The following LVRN variants were observed in gnomAD, a reference collection of about 807,000 sequenced individuals.
LVRN encodes aminopeptidase Q.
LVRN carries 99 observed loss-of-function variants against 111.4 expected under a neutral mutation model. The ratio of observed to expected loss-of-function variants is 0.89; its 90% CI spans 0.76 to 1.05. The LOEUF (loss-of-function observed/expected upper bound fraction) is 1.05, where lower values mean the gene tolerates loss of function less well. LVRN is among the 50% of genes least tolerant of loss of function. The pLI is 0.00. For synonymous variants in LVRN, 488 were observed against 449.5 expected, an observed-to-expected ratio of 1.09 and a Z score of -1.08; for missense variants, 1,414 against 1,206.8, an observed-to-expected ratio of 1.17 and a Z score of -2.54.
In LVRN at chr5:116,005,970, G is replaced by C. The variant is rs112321572; in HGVS notation, c.2093+3G>C. ...GATGATGCCTTTTCCTTGTCTAAGT[G>C]AGTATATTTTCTTCTCTCATGGTTT... On this transcript the variant is annotated splice_donor_region_variant and intron_variant, in intron 13 of 19. Coordinates refer to ENST00000357872, the MANE Select transcript of LVRN (RefSeq NM_173800.5). 6.3e-7 allele frequency: 1 copy of C among 1,587,088 alleles called. No individual in the cohort carries two copies. The highest frequency in any genetic ancestry group is 8.7e-7 in the Non-Finnish European group (1 of 1,156,064).
intron 15 of LVRN, among the ~76,000 whole-genome samples, chr5:116,012,831 G>T (rs1748520167): frequency 6.6e-6 from 1 of 152,164 alleles, no homozygotes; most frequent in Non-Finnish European, 1.5e-5. Context: ...AGGGGAAAAG[G>T]TCCCATCTGT....
Position 116,012,394 on chromosome 5 carries a change from T to C in LVRN, c.2268T>C (p.Leu756=), listed in dbSNP as rs751242960. The change falls in exon 15 of 20, where the codon CTT becomes CTC. Residue 756 remains leucine (L), a synonymous_variant. Transcript: ENST00000357872. ...SLLKRYLLKR[L]NLIWNIYSTI... ...TATAGAGGTACCTATTAAAGAGACT[T>C]AATTTAATATGGAATATTTATTCAA... 4.0e-6 allele frequency: 6 copies of C among 1,508,682 alleles called. No individual in the cohort carries two copies. The highest frequency in any genetic ancestry group is 1.8e-5 in the Admixed American group (1 of 56,044). The allele number at this position is 1,508,682 out of a possible 1,614,324, so 93.5% of individuals were successfully genotyped here.
At chr5:116,021,801 A>T (rs1204413838) in intron 18 of LVRN, 1 of 358,016 alleles carries the variant, frequency 2.8e-6, no homozygotes, top group Non-Finnish European at 5.5e-6. Flanking sequence ...CTATTTTAAG[A>T]TTTTTTTTTT....
At chr5:116,013,749 G>A (rs373006731) in intron 15 of LVRN, among the ~76,000 whole-genome samples, 12 of 152,080 alleles carry the variant, frequency 7.9e-5, no homozygotes, top group Non-Finnish European at 1.8e-4. Flanking sequence ...TACCCTGACC[G>A]CAAATCTGGA....
chr5:115,983,166 AGAT>A, intron 1 of LVRN, 118 bp from the exon 2 acceptor site: 1 of 1,079,484 alleles, frequency 9.3e-7, no homozygotes, highest in Non-Finnish European at 1.3e-6. Flanking sequence ...GCAGTGAGGA[AGAT>A]GAGAGGAAAT....
intron 1 of LVRN, chr5:115,974,938 T>C (rs1753408638): frequency 2.4e-5 from 11 of 460,652 alleles, no homozygotes; most frequent in South Asian, 1.7e-4. Flanking sequence ...TTAGGTCACT[T>C]GATAAATGAT....
intron 10 of LVRN, among the ~76,000 whole-genome samples, chr5:116,001,473 C>A (rs568075856): frequency 6.6e-6 from 1 of 152,308 alleles, no homozygotes; most frequent in Admixed American, 6.5e-5. Context: ...ATCAGCGACC[C>A]AAGCTGTGGG....
chr5:115,992,916 G>A (rs916903884), intron 5 of LVRN, among the ~76,000 whole-genome samples: 1 of 152,184 alleles, frequency 6.6e-6, no homozygotes, highest in Non-Finnish European at 1.5e-5. Flanking sequence ...TAATTTCAAC[G>A]ATGTTATCTT....
chr5:115,993,261 C>A (rs796859081), intron 5 of LVRN, among the ~76,000 whole-genome samples: 2 of 150,396 alleles, frequency 1.3e-5, no homozygotes, highest in African/African-American at 2.4e-5. Context: ...TATTGCATAA[C>A]GTATGATTAC....
In LVRN at chr5:116,008,576, AG is replaced by A. The variant is rs1264241273; in HGVS notation, c.2094-2164del. Among the ~76,000 whole-genome samples the A allele has an allele frequency of 2.0e-5, 3 of 150,782 alleles. No homozygotes were observed. In the East Asian group the frequency reaches 5.9e-4, roughly 30 times the overall value. ...GATAAGTTCTTGAAGGAAATTAAAA[AG>A]TACTGCTCCAGTGAATACATGAATG... On this transcript the variant is annotated intron_variant, in intron 13 of 19. Transcript: ENST00000357872.
In LVRN at chr5:116,022,426, C is replaced by T; in HGVS notation, c.2792C>T (p.Thr931Ile). 1 of 1,567,744 alleles carries T rather than the reference C, an allele frequency of 6.4e-7. No homozygotes were observed. The highest frequency in any genetic ancestry group is 8.7e-7 in the Non-Finnish European group (1 of 1,147,886). The stretch of plus-strand genomic sequence containing the variant: ...CAATCATTGATTAATCTAATATATA[C>T]AATAGGGAGAACCGTAACTACAGAT... The part of the protein sequence containing the change: ...GTQSLINLIY[T>I]IGRTVTTDLQ... Residue 931 changes from threonine (T) to isoleucine (I), a missense_variant, in exon 19 of 20, where the codon ACA becomes ATA. Physicochemically the swap from Thr to Ile is moderately conservative, Grantham distance 89. Transcript: ENST00000357872.
chr5:116,010,236 G>A (rs1056734530), intron 13 of LVRN, among the ~76,000 whole-genome samples: 1 of 152,112 alleles, frequency 6.6e-6, no homozygotes, highest in African/African-American at 2.4e-5. Flanking sequence ...ACAGTATAGT[G>A]TAAACATAAC....
At chr5:115,975,088 A>T in intron 1 of LVRN, 1 of 350,502 alleles carries the variant, frequency 2.9e-6, no homozygotes, top group South Asian at 2.8e-5. Flanking sequence ...TGGCAACCAG[A>T]TCCAGTGTAC....
intron 15 of LVRN, among the ~76,000 whole-genome samples, chr5:116,013,137 A>G (rs1260698104): frequency 6.6e-6 from 1 of 152,220 alleles, no homozygotes; most frequent in Non-Finnish European, 1.5e-5. Context: ...GATTATACCT[A>G]CAACTTCTGG....
intron 1 of LVRN, among the ~76,000 whole-genome samples, chr5:115,966,712 T>C (rs1753210737): frequency 6.6e-6 from 1 of 152,216 alleles, no homozygotes; most frequent in Non-Finnish European, 1.5e-5. Flanking sequence ...GTTTAGTCCT[T>C]AAGAAATTGC....
rs781707559 is a variant in LVRN, at chr5:116,015,726, A to T, written c.2717A>T (p.Lys906Ile). The change falls in exon 18 of 20, where the codon AAA becomes ATA. Residue 906 changes from lysine (K) to isoleucine (I), a missense_variant. By Grantham distance (102) the Lys-to-Ile change is moderately radical. Coordinates refer to ENST00000357872, the MANE Select transcript of LVRN (RefSeq NM_173800.5). ...TCTGAAGTTGGCCGGTATGTCGCAAAAGACTTCTTAGTCAACAACTGGCAA... is the reference window on the plus strand; with the variant it reads ...TCTGAAGTTGGCCGGTATGTCGCAATAGACTTCTTAGTCAACAACTGGCAA... ...ASSEVGRYVAKDFLVNNWQAV... is the reference protein window; with the variant it reads ...ASSEVGRYVAIDFLVNNWQAV... 6.2e-7 allele frequency: 1 copy of T among 1,613,470 alleles called. No homozygotes were observed. The highest frequency in any genetic ancestry group is 1.3e-5 in the African/African-American group (1 of 74,896).
Position 115,983,269 on chromosome 5 carries a change from C to A in LVRN, c.696-18C>A. ...TTGAAATAAAAATAAATAAAAATTT[C>A]CCCAAAATGTATTTCAGGGCCCTGT... is the stretch of plus-strand genomic sequence containing the variant. On this transcript the variant is annotated intron_variant, in intron 1 of 19. Coordinates refer to ENST00000357872, the MANE Select transcript of LVRN (RefSeq NM_173800.5). 6.5e-7 allele frequency: 1 copy of A among 1,531,666 alleles called. No homozygotes were observed. Among genetic ancestry groups the A allele is most frequent in the Non-Finnish European group, 8.7e-7 (1 of 1,144,584 alleles). The allele number at this position is 1,531,666 out of a possible 1,614,324, so 94.9% of individuals were successfully genotyped here. A position where few individuals can be genotyped will look rare whatever the true frequency, so the allele number is the denominator to read the frequency against.
chr5:116,006,362 G>T (rs74523159), intron 13 of LVRN, among the ~76,000 whole-genome samples: 7,164 of 152,108 alleles, frequency 0.047, 241 homozygotes, highest in Middle Eastern at 0.071. Context: ...AGGAATATAT[G>T]TAATACATTA....
At chr5:115,966,930 C>T (rs150028473) in intron 1 of LVRN, among the ~76,000 whole-genome samples, 2,339 of 152,164 alleles carry the variant, frequency 0.015, 32 homozygotes, top group Non-Finnish European at 0.025. Flanking sequence ...GCTTATTTGC[C>T]ATCTGTATAT....
Sources: gnomAD v4.1 joint callset for allele counts (sites outside exome capture counted in the v4.1 genomes callset) on GRCh38, gnomAD v4.1.1 for gene constraint, MANE v1.5 for transcripts, NCBI Gene and HGNC (gene_info 2026-07-23, HGNC 2026-07-21) for gene names.